Variants in FBXO16 observed in about 807,000 individuals in gnomAD.
FBXO16 encodes F-box protein 16, also known as F-box only protein 16.
Under a neutral mutation model 41.0 loss-of-function variants are expected in FBXO16, and 31 were observed. That is an observed-to-expected ratio of 0.76 (90% CI 0.57 to 1.02). FBXO16 has a LOEUF of 1.02. Among genes scored for constraint, FBXO16 ranks in the 50% least tolerant of loss-of-function variants. The pLI, the probability that FBXO16 is intolerant of heterozygous loss-of-function variation, is 0.00. For missense variants in FBXO16, 361 were observed against 346.2 expected, an observed-to-expected ratio of 1.04 and a Z score of -0.34; for synonymous variants, 133 against 117.8, an observed-to-expected ratio of 1.13 and a Z score of -0.84.
At chr8:28,451,380 G>GTTTTTTTTTT (rs67171132) in intron 6 of FBXO16, among the ~76,000 whole-genome samples, 1 of 138,704 alleles carries the variant, frequency 7.2e-6, no homozygotes. Flanking sequence ...CTTTGTTGTT[G>GTTTTTTTTTT]TTTTTTTTTT....
intron 3 of FBXO16, among the ~76,000 whole-genome samples, chr8:28,464,436 C>T (rs997209100): frequency 2.6e-5 from 4 of 152,188 alleles, no homozygotes; most frequent in Non-Finnish European, 5.9e-5. Context: ...CCCTGAACAA[C>T]ACCCAAGATC....
chr8:28,438,446 C>T (rs1463179204), intron 7 of FBXO16, among the ~76,000 whole-genome samples: 2 of 152,166 alleles, frequency 1.3e-5, no homozygotes, highest in Admixed American at 1.3e-4. Context: ...TGGGCCAGGG[C>T]CTCCCACCAA....
rs188755474 is a variant in FBXO16, at chr8:28,477,121, C to G, written c.100-3314G>C. Among the ~76,000 whole-genome samples, 406 of 151,576 alleles carry G rather than the reference C, an allele frequency of 2.7e-3. 1 individual carries two copies. Among genetic ancestry groups the G allele is most frequent in the African/African-American group, 9.5e-3 (394 of 41,330 alleles). Reference sequence around the variant, plus strand: ...TGATGACGCAGTTTTTTTTTTTAGGCGTCTAAATTTGAATTTAGAGAATTC... The same window carrying G: ...TGATGACGCAGTTTTTTTTTTTAGGGGTCTAAATTTGAATTTAGAGAATTC... On this transcript the variant is annotated intron_variant, in intron 2 of 8. Transcript: ENST00000380254.
intron 2 of FBXO16, among the ~76,000 whole-genome samples, chr8:28,477,329 G>A (rs1047117055): frequency 7.2e-5 from 11 of 152,208 alleles, no homozygotes; most frequent in African/African-American, 2.4e-4. Context: ...TAGAAGTATG[G>A]AAGCCCCTTG....
At chr8:28,475,172 T>G (rs1803404920) in intron 2 of FBXO16, among the ~76,000 whole-genome samples, 1 of 152,212 alleles carries the variant, frequency 6.6e-6, no homozygotes. Context: ...CTTCTCTTTT[T>G]ATGGAAGAGG....
chr8:28,474,316 C>CAAAAAAAAAAAAAAAAAAAAAAAAA, intron 2 of FBXO16, among the ~76,000 whole-genome samples: 11 of 56,658 alleles, frequency 1.9e-4, no homozygotes, highest in Admixed American at 5.0e-4. Flanking sequence ...CAGACCCTGT[C>CAAAAAAAAAAAAAAAAAAAAAAAAA]AAAAAAAAAA....
intron 4 of FBXO16, among the ~76,000 whole-genome samples, chr8:28,458,544 C>CTTTTTTTTTTTT (rs34617439): frequency 5.5e-4 from 48 of 87,590 alleles, no homozygotes; most frequent in Non-Finnish European, 8.0e-4. Context: ...TCTTCTTCTT[C>CTTTTTTTTTTTT]TTTTTTTTTT....
chr8:28,454,034 C>T lies in FBXO16; in HGVS notation c.508-1558G>A, dbSNP rs546968297. Among the ~76,000 whole-genome samples the T allele has an allele frequency of 2.2e-4, 33 of 151,946 alleles. 2 individuals carry two copies. The highest frequency in any genetic ancestry group is 3.4e-3 in the Middle Eastern group (1 of 294). ...CAAAAAAATTAGCCAGGTGTGGTGG[C>T]GCATGCCTGTAATCCCAGCTACTTG... On this transcript the variant is annotated intron_variant, in intron 5 of 8. Coordinates refer to ENST00000380254, the MANE Select transcript of FBXO16 (RefSeq NM_172366.4).
intron 3 of FBXO16, among the ~76,000 whole-genome samples, chr8:28,467,022 G>C (rs548506568): frequency 1.4e-4 from 22 of 152,198 alleles, no homozygotes; most frequent in Admixed American, 2.6e-4. Flanking sequence ...ACTCACTACA[G>C]CCTCGATCTC....
chr8:28,456,929 A>G lies in FBXO16; in HGVS notation c.344T>C (p.Val115Ala). Reference protein sequence around the residue: ...DPRSLCRCAQVCWHWKNLAEL... With the variant: ...DPRSLCRCAQACWHWKNLAEL... The stretch of plus-strand genomic sequence containing the variant: ...AGCAAGGTTCTTCCAATGCCAGCAC[A>G]CCTGGAAAAACAATTACAATTAAAC... Residue 115 changes from valine (V) to alanine (A), a missense_variant and splice_region_variant, in exon 5 of 9, where the codon GTG (valine) becomes GCG (alanine). By Grantham distance (64) the Val-to-Ala change is moderately conservative. Coordinates refer to ENST00000380254, the MANE Select transcript of FBXO16 (RefSeq NM_172366.4). The G allele has an allele frequency of 6.2e-7, 1 of 1,611,486 alleles. No individual in the cohort carries two copies.
Position 28,434,792 on chromosome 8 carries a change from AGTGC to A in FBXO16, c.844-5393_844-5390del, listed in dbSNP as rs1382253408. Among the ~76,000 whole-genome samples the A allele has an allele frequency of 4.0e-3, 611 of 152,268 alleles. 2 individuals are homozygous for A. The highest frequency in any genetic ancestry group is 0.014 in the African/African-American group (571 of 41,518). ...GAGGGAGCATGCGAGTGAGTGAGTG[AGTGC>A]GGGACCCAGTCGGCCGCTCTAAGCT... On this transcript the variant is annotated intron_variant, in intron 7 of 8. Transcript: ENST00000380254.
At chr8:28,458,203 C>T (rs141632599) in intron 4 of FBXO16, among the ~76,000 whole-genome samples, 1 of 152,334 alleles carries the variant, frequency 6.6e-6, no homozygotes, top group African/African-American at 2.4e-5. Context: ...TTTTCTATTA[C>T]TCTCTGCCTC....
chr8:28,441,983 A>T (rs1335655145), intron 7 of FBXO16, among the ~76,000 whole-genome samples: 2 of 125,508 alleles, frequency 1.6e-5, no homozygotes, highest in African/African-American at 6.0e-5. Context: ...TTGCTCTGTC[A>T]CCCAGGCTGG....
At chr8:28,483,826 C>T (rs182125598) in intron 1 of FBXO16, among the ~76,000 whole-genome samples, 2 of 152,068 alleles carry the variant, frequency 1.3e-5, no homozygotes, top group African/African-American at 2.4e-5. Context: ...GGCAGCAGAG[C>T]GAGACTCCAC....
In FBXO16 at chr8:28,428,604, GC is replaced by G; in HGVS notation, c.*122del. 1 of 1,551,382 alleles carries G rather than the reference GC, an allele frequency of 6.4e-7. No individual in the cohort carries two copies. Among genetic ancestry groups the G allele is most frequent in the Non-Finnish European group, 8.7e-7 (1 of 1,147,002 alleles). On this transcript the variant is annotated 3_prime_UTR_variant, in exon 9 of 9. Coordinates refer to ENST00000380254, the MANE Select transcript of FBXO16 (RefSeq NM_172366.4). ...GGAACCTGGATGAGTCATGCTTGGG[GC>G]CCAGGGTGCCTGTGAGGATGCTGCA...
intron 8 of FBXO16, 24 bp downstream of exon 8, chr8:28,429,354 G>A (rs1247648254): frequency 2.5e-6 from 4 of 1,613,234 alleles, no homozygotes; most frequent in Non-Finnish European, 3.4e-6. Context: ...AATGTCACAG[G>A]TTGATATCAC....
chr8:28,447,514 A>C (rs1384218861), intron 6 of FBXO16: 1 of 457,692 alleles, frequency 2.2e-6, no homozygotes, highest in African/African-American at 2.0e-5. Context: ...TCAACTGTGG[A>C]AGGATCTCCA....
intron 7 of FBXO16, among the ~76,000 whole-genome samples, chr8:28,437,219 A>C (rs1414613945): frequency 6.6e-6 from 1 of 152,236 alleles, no homozygotes; most frequent in African/African-American, 2.4e-5. Flanking sequence ...ATAAAAACAA[A>C]TAGCCATTTG....
intron 1 of FBXO16, among the ~76,000 whole-genome samples, chr8:28,488,102 C>T (rs775037338): frequency 7.9e-5 from 12 of 151,640 alleles, no homozygotes; most frequent in South Asian, 4.2e-4. Flanking sequence ...CCACCCACTT[C>T]GGCCTCCCAA....
Sources: allele counts gnomAD v4.1 joint callset (sites outside exome capture counted in the v4.1 genomes callset), GRCh38; gene constraint gnomAD v4.1.1; transcripts MANE v1.5; gene names NCBI Gene and HGNC (gene_info 2026-07-23, HGNC 2026-07-21).